Variants in CD244 observed in about 807,000 individuals in gnomAD.
CD244 encodes natural killer cell receptor 2B4.
CD244 carries 20 observed loss-of-function variants against 45.5 expected under a neutral mutation model. The ratio of observed to expected loss-of-function variants is 0.44; its 90% CI spans 0.31 to 0.64. The LOEUF (loss-of-function observed/expected upper bound fraction) is 0.64. CD244 is among the 30% of genes least tolerant of loss of function. The pLI is 0.08. For synonymous variants in CD244, 185 were observed against 160.5 expected (o/e 1.15, Z -1.15); for missense variants, 407 against 426.9 (o/e 0.95, Z 0.41).
chr1:160,831,985 C>G (rs747886944), intron 8 of CD244, among the ~76,000 whole-genome samples: 21 of 152,130 alleles, frequency 1.4e-4, no homozygotes, highest in Non-Finnish European at 2.4e-4. Context: ...CTACCTTATC[C>G]ATAATAAACC....
At chr1:160,853,101 C>T (rs781370518) in intron 1 of CD244, among the ~76,000 whole-genome samples, 1 of 152,050 alleles carries the variant, frequency 6.6e-6, no homozygotes, top group Non-Finnish European at 1.5e-5. Context: ...GTCATAATAA[C>T]TCAAAATGAG....
At position 160,831,071 on chromosome 1, in the gene CD244, T is replaced by G. The variant is rs944399356; in HGVS notation, c.*276A>C. Reference sequence around the variant, plus strand: ...TAATAACATCACTTACATAACACTTTCTAGATTACAAATACTTGGAATGTG... The same window carrying G: ...TAATAACATCACTTACATAACACTTGCTAGATTACAAATACTTGGAATGTG... On this transcript the variant is annotated 3_prime_UTR_variant, in exon 9 of 9. Transcript: ENST00000368034. 1 of 321,232 alleles carries G rather than the reference T, an allele frequency of 3.1e-6. No individual in the cohort carries two copies. The highest frequency in any genetic ancestry group is 2.1e-5 in the African/African-American group (1 of 47,548). 19.9% of individuals were successfully genotyped at this position (321,232 alleles called of 1,614,324 possible).
rs1288102690 is a variant in CD244 at position 160,832,870 on chromosome 1, GTATATATATATATATATACACACACACA to G, written c.961-323_961-296del. Among the ~76,000 whole-genome samples the G allele has an allele frequency of 4.4e-4, 52 of 117,916 alleles. 1 individual carries two copies. The South Asian group carries it at 0.013, about 29-fold the overall frequency. 77.4% of individuals were successfully genotyped at this position (117,916 alleles called of 152,430 possible). A position where few individuals can be genotyped will look rare whatever the true frequency, so the allele number is the denominator to read the frequency against. ...CCCATACACATATGTGTGTGTGTGT[GTATATATATATATATATACACACACACA>G]TATATATACATATTTGTGTATATAT... On this transcript the variant is annotated intron_variant, in intron 7 of 8. Coordinates refer to ENST00000368034, the MANE Select transcript of CD244 (RefSeq NM_016382.4).
chr1:160,840,055 AC>A (rs1669478668), intron 3 of CD244, among the ~76,000 whole-genome samples: 1 of 132,076 alleles, frequency 7.6e-6, no homozygotes, highest in Non-Finnish European at 1.7e-5. Flanking sequence ...ACTTATTATC[AC>A]CCCCATTTTA....
intron 6 of CD244, among the ~76,000 whole-genome samples, chr1:160,835,237 T>G (rs1484919943): frequency 1.3e-5 from 2 of 152,142 alleles, no homozygotes; most frequent in Non-Finnish European, 2.9e-5. Context: ...CTTCTCCAGT[T>G]TATGAGTGAA....
chr1:160,851,122 G>A (rs1669905787), intron 1 of CD244, among the ~76,000 whole-genome samples: 1 of 152,166 alleles, frequency 6.6e-6, no homozygotes, highest in South Asian at 2.1e-4. Context: ...TTAGCTCTCT[G>A]AACCTTGTTC....
intron 8 of CD244, among the ~76,000 whole-genome samples, chr1:160,832,259 C>T (rs1327702747): frequency 3.3e-5 from 5 of 151,978 alleles, no homozygotes; most frequent in Non-Finnish European, 5.9e-5. Context: ...GGAACTAGCT[C>T]GGGGACGGCC....
chr1:160,833,249 G>A (rs577776553), intron 7 of CD244, among the ~76,000 whole-genome samples: 1 of 152,108 alleles, frequency 6.6e-6, no homozygotes, highest in African/African-American at 2.4e-5. Flanking sequence ...GATCCAAGTA[G>A]GTTGAATGGC....
chr1:160,840,068 T>C (rs1471958513), intron 3 of CD244, among the ~76,000 whole-genome samples: 1 of 122,242 alleles, frequency 8.2e-6, no homozygotes, highest in Admixed American at 8.0e-5. Context: ...CCCATTTTAC[T>C]CAAGGGGGGA....
rs1571130110 is a variant in CD244 at position 160,862,421 on chromosome 1, T to TG, written c.61+195_61+196insC. Among the ~76,000 whole-genome samples, 4 of 152,334 alleles carry TG rather than the reference T, an allele frequency of 2.6e-5. No homozygotes were observed. In the East Asian group the frequency reaches 7.7e-4, roughly 29 times the overall value. ...CTGGATTGCTGGTGGCAGGGCCAGA[T>TG]ACCCCTCTCACAGACCTCCCAGTGC... On this transcript the variant is annotated intron_variant, in intron 1 of 8. Transcript: ENST00000368034.
rs888630094 is a variant in CD244 at position 160,848,407 on chromosome 1, AG to A, written c.62-6507del. On this transcript the variant is annotated intron_variant, in intron 1 of 8. Coordinates refer to ENST00000368034, the MANE Select transcript of CD244 (RefSeq NM_016382.4). ...AGCGTGTGGTATTTGGCAAGTTGAA[AG>A]GGGGCATGAATATTGCAGACAGCAT... 2.9e-4 allele frequency: 162 copies of A among 556,476 alleles called. 1 individual carries two copies. The highest frequency in any genetic ancestry group is 2.7e-3 in the African/African-American group (141 of 53,140). 34.5% of individuals were successfully genotyped at this position (556,476 alleles called of 1,614,324 possible).
intron 1 of CD244, among the ~76,000 whole-genome samples, chr1:160,861,236 C>A (rs1226475592): frequency 6.6e-6 from 1 of 152,144 alleles, no homozygotes; most frequent in Non-Finnish European, 1.5e-5. Context: ...CTGCAGGCTC[C>A]ACTCCTCCCT....
intron 7 of CD244, 195 bp from the exon 8 acceptor site, chr1:160,832,770 A>T: frequency 8.6e-7 from 1 of 1,161,632 alleles, no homozygotes; most frequent in Non-Finnish European, 1.2e-6. Flanking sequence ...CACAATATAT[A>T]CAGTATTTGC....
rs1236752298 is a variant in CD244, at chr1:160,853,809, G to A, written c.61+8808C>T. ...AAAAAAAAAAAAAAAAAAAAAAAAA[G>A]TGAAAAAGGAAGATAGACCTAAAAC... On this transcript the variant is annotated intron_variant, in intron 1 of 8. Transcript: ENST00000368034. Among the ~76,000 whole-genome samples, 34 of 129,886 alleles carry A rather than the reference G, an allele frequency of 2.6e-4. 1 individual carries two copies. Among genetic ancestry groups the A allele is most frequent in the African/African-American group, 8.8e-4 (28 of 31,692 alleles). 85.2% of individuals were successfully genotyped at this position (129,886 alleles called of 152,430 possible).
At chr1:160,854,727 GTCC>G (rs1485579187) in intron 1 of CD244, among the ~76,000 whole-genome samples, 1 of 152,142 alleles carries the variant, frequency 6.6e-6, no homozygotes, top group Non-Finnish European at 1.5e-5. Context: ...GTGATCTACA[GTCC>G]TCATGCTATA....
At chr1:160,852,174 A>G (rs1669941527) in intron 1 of CD244, among the ~76,000 whole-genome samples, 1 of 152,218 alleles carries the variant, frequency 6.6e-6, no homozygotes, top group South Asian at 2.1e-4. Flanking sequence ...CCAATAGCCA[A>G]TAGGCATGCA....
rs758820642 is a variant in CD244 at position 160,832,612 on chromosome 1, G to A, written c.961-37C>T. 1.1e-5 allele frequency: 18 copies of A among 1,610,518 alleles called. No individual in the cohort carries two copies. The Admixed American group carries it at 2.5e-4, about 22-fold the overall frequency. The stretch of plus-strand genomic sequence containing the variant: ...GAAGGTAAAGAATACTTAACTTCGA[G>A]ATAAGTGCTCTCCCACTCCTAAGTG... On this transcript the variant is annotated intron_variant, in intron 7 of 8. Transcript: ENST00000368034.
intron 1 of CD244, among the ~76,000 whole-genome samples, chr1:160,843,865 G>T (rs577246818): frequency 2.6e-5 from 4 of 152,326 alleles, no homozygotes; most frequent in African/African-American, 9.6e-5. Context: ...CAGCTAAAAG[G>T]CTGAGAAGCT....
intron 1 of CD244, among the ~76,000 whole-genome samples, chr1:160,846,786 G>C (rs1669754739): frequency 6.6e-6 from 1 of 152,168 alleles, no homozygotes; most frequent in Non-Finnish European, 1.5e-5. Flanking sequence ...ATGTTCTTTA[G>C]ATATAAAGAA....
Sources: allele counts gnomAD v4.1 joint callset (sites outside exome capture counted in the v4.1 genomes callset), GRCh38; gene constraint gnomAD v4.1.1; transcripts MANE v1.5; gene names NCBI Gene and HGNC (gene_info 2026-07-23, HGNC 2026-07-21).